The following DLG5 variants were observed in gnomAD, a reference collection of about 807,000 sequenced individuals.
The protein encoded by DLG5 is discs large MAGUK scaffold protein 5.
DLG5 carries 48 observed loss-of-function variants against 189.8 expected under a neutral mutation model. The ratio of observed to expected loss-of-function variants is 0.25; its 90% CI spans 0.20 to 0.32. DLG5 has a LOEUF of 0.32. Ranked by LOEUF, DLG5 falls within the 10% of genes least tolerant of loss-of-function variation. DLG5 has a pLI of 1.00. For synonymous variants in DLG5, 1,016 were observed against 1,054.1 expected, an observed-to-expected ratio of 0.96 and a Z score of 0.70; for missense variants, 2,160 against 2,544.7, an observed-to-expected ratio of 0.85 and a Z score of 3.25.
At chr10:77,866,591 T>C (rs924169613) in intron 2 of DLG5, among the ~76,000 whole-genome samples, 1 of 152,092 alleles carries the variant, frequency 6.6e-6, no homozygotes, top group African/African-American at 2.4e-5. Context: ...AATTTAAATT[T>C]CATTTTAATT....
intron 2 of DLG5, chr10:77,867,877 G>T: frequency 2.2e-6 from 1 of 452,986 alleles, no homozygotes; most frequent in Middle Eastern, 3.3e-4. Flanking sequence ...TCTTGCTGCC[G>T]TAAGGCAGGC....
At chr10:77,878,719 C>A (rs567934638) in intron 1 of DLG5, among the ~76,000 whole-genome samples, 6 of 152,178 alleles carry the variant, frequency 3.9e-5, no homozygotes, top group Non-Finnish European at 8.8e-5. Flanking sequence ...CACCATTCCA[C>A]GTGGCCATGG....
At chr10:77,872,057 T>G (rs1428263549) in intron 1 of DLG5, among the ~76,000 whole-genome samples, 2 of 152,156 alleles carry the variant, frequency 1.3e-5, no homozygotes, top group Non-Finnish European at 2.9e-5. Context: ...GCCACTGACA[T>G]GTTGGTGGAT....
Position 77,794,862 on chromosome 10 carries a change from C to A in DLG5, c.5533G>T (p.Ala1845Ser). The stretch of plus-strand genomic sequence containing the variant: ...CCAGTTACCTACTTGATGTGCTTGG[C>A]GCTCTTGTAGTGGATGAAGATGACA... ...PIVIFIHYKS[A>S]KHIKEQRDPI... Residue 1845 changes from alanine (A) to serine (S), a missense_variant, in exon 30 of 32, where the codon GCC becomes TCC. Transcript: ENST00000372391. The A allele has an allele frequency of 6.2e-7, 1 of 1,613,994 alleles. No individual in the cohort carries two copies. The highest frequency in any genetic ancestry group is 8.5e-7 in the Non-Finnish European group (1 of 1,179,954).
chr10:77,901,120 A>G (rs1428832557), intron 1 of DLG5, among the ~76,000 whole-genome samples: 1 of 151,704 alleles, frequency 6.6e-6, no homozygotes, highest in Non-Finnish European at 1.5e-5. Flanking sequence ...ATCTCAAAAA[A>G]AAAAAAAAAA....
chr10:77,848,757 T>C (rs1247169979), intron 5 of DLG5, among the ~76,000 whole-genome samples: 2 of 151,952 alleles, frequency 1.3e-5, no homozygotes, highest in Admixed American at 6.6e-5. Flanking sequence ...TATATGGGTA[T>C]TAAATGTGAC....
chr10:77,830,504 A>G (rs899959240), intron 10 of DLG5, among the ~76,000 whole-genome samples, 160 bp from the exon 11 acceptor site: 1 of 152,166 alleles, frequency 6.6e-6, no homozygotes, highest in African/African-American at 2.4e-5. Context: ...AGTATCTGCA[A>G]CCTGCCCCTT....
intron 20 of DLG5, among the ~76,000 whole-genome samples, chr10:77,812,678 G>A (rs1264123692): frequency 6.6e-6 from 1 of 152,226 alleles, no homozygotes; most frequent in Non-Finnish European, 1.5e-5. Flanking sequence ...TTTCATTACA[G>A]GAGAGGAGCT....
Position 77,841,821 on chromosome 10 carries a change from C to G in DLG5, c.1437+60G>C. 4.5e-6 allele frequency: 7 copies of G among 1,554,936 alleles called. No homozygotes were observed. The South Asian group carries it at 7.2e-5, about 16-fold the overall frequency. On this transcript the variant is annotated intron_variant, in intron 7 of 31. Coordinates refer to ENST00000372391, the MANE Select transcript of DLG5 (RefSeq NM_004747.4). ...AATCCGGACACCACGCACTCTGCAGCCCCTCTTCCCGGGATGCTGTAGGAG... is the reference window on the plus strand; with the variant it reads ...AATCCGGACACCACGCACTCTGCAGGCCCTCTTCCCGGGATGCTGTAGGAG...
rs1319652853 is a variant in DLG5 at position 77,819,343 on chromosome 10, C to T, written c.3649G>A (p.Gly1217Ser). ...TACCTGGGATGCAAACCCTGGGGGC[C>T]AGCATCTCGGGCCGCAGGTGGAGAG... Reference protein sequence around the residue: ...CSSPPAARDAGPQGLHPSVQH... With the variant: ...CSSPPAARDASPQGLHPSVQH... Residue 1217 changes from glycine (G) to serine (S), a missense_variant, in exon 17 of 32, where the codon GGC becomes AGC. By Grantham distance (56) the Gly-to-Ser change is moderately conservative (BLOSUM62 0). Coordinates refer to ENST00000372391, the MANE Select transcript of DLG5 (RefSeq NM_004747.4). 6.2e-7 allele frequency: 1 copy of T among 1,613,946 alleles called. No homozygotes were observed. The highest frequency in any genetic ancestry group is 8.5e-7 in the Non-Finnish European group (1 of 1,180,014).
chr10:77,868,944 C>T (rs922883222), intron 2 of DLG5, 185 bp downstream of exon 2: 9 of 605,454 alleles, frequency 1.5e-5, no homozygotes, highest in Admixed American at 8.8e-5. Context: ...ACCTCCCCAC[C>T]TCCTTCTAAC....
At chr10:77,805,053 T>C (rs1234756423) in intron 27 of DLG5, among the ~76,000 whole-genome samples, 1 of 152,164 alleles carries the variant, frequency 6.6e-6, no homozygotes, top group Non-Finnish European at 1.5e-5. Flanking sequence ...TCACTGCACC[T>C]CCGCCTCCTG....
At chr10:77,857,992 G>A (rs1844318074) in intron 2 of DLG5, among the ~76,000 whole-genome samples, 1 of 152,300 alleles carries the variant, frequency 6.6e-6, no homozygotes. Flanking sequence ...TTGGTCAAAT[G>A]TTCATGCAAA....
Position 77,817,769 on chromosome 10 carries a change from G to A in DLG5, c.3784+8C>T, listed in dbSNP as rs559686936. The A allele has an allele frequency of 1.7e-5, 27 of 1,551,404 alleles. No homozygotes were observed. The South Asian group carries it at 3.1e-4, about 18-fold the overall frequency. ...CTCTGCAGCACAAAGTCCAAGTGGT[G>A]CAGTTACCCAGGCGGGCGCTGGAGG... On this transcript the variant is annotated splice_region_variant and intron_variant, in intron 18 of 31. Coordinates refer to ENST00000372391, the MANE Select transcript of DLG5 (RefSeq NM_004747.4).
At chr10:77,814,855 C>T (rs1841975601) in intron 20 of DLG5, among the ~76,000 whole-genome samples, 2 of 152,124 alleles carry the variant, frequency 1.3e-5, no homozygotes, top group Non-Finnish European at 2.9e-5. Context: ...AACCACAGCA[C>T]TCGGCCTTCT....
chr10:77,869,379 A>C, intron 1 of DLG5, 182 bp from the exon 2 acceptor site: 1 of 590,466 alleles, frequency 1.7e-6, no homozygotes. Context: ...TGTTTCTGCC[A>C]GGCCTCCCAC....
intron 5 of DLG5, among the ~76,000 whole-genome samples, chr10:77,844,939 G>A (rs1046028234): frequency 3.3e-5 from 5 of 152,158 alleles, no homozygotes; most frequent in African/African-American, 1.2e-4. Context: ...GGGGCAAGGC[G>A]GAGTAGCAAG....
At chr10:77,805,523 G>A (rs953083202) in intron 27 of DLG5, 142 bp downstream of exon 27, 25 of 944,978 alleles carry the variant, frequency 2.6e-5, no homozygotes, top group Non-Finnish European at 2.8e-5. Context: ...AGCACCCCCC[G>A]ACCAAGCCGA....
At chr10:77,907,709 G>A (rs1353044740) in intron 1 of DLG5, among the ~76,000 whole-genome samples, 1 of 152,114 alleles carries the variant, frequency 6.6e-6, no homozygotes, top group Non-Finnish European at 1.5e-5. Flanking sequence ...TTCCACAGAT[G>A]AGGAAACCAA....
Sources: gnomAD v4.1 joint callset for allele counts (sites outside exome capture counted in the v4.1 genomes callset) on GRCh38, gnomAD v4.1.1 for gene constraint, MANE v1.5 for transcripts, NCBI Gene and HGNC (gene_info 2026-07-23, HGNC 2026-07-21) for gene names.